ZBTB20: variants seen among roughly 807,000 people sequenced by gnomAD.
The protein encoded by ZBTB20 is zinc finger and BTB domain containing 20, also known as zinc finger and BTB domain-containing protein 20.
ZBTB20 carries 9 observed loss-of-function variants against 56.9 expected under a neutral mutation model. The observed-to-expected ratio is 0.16, with a 90% CI of 0.10 to 0.28. ZBTB20 has a LOEUF of 0.28. Among genes scored for constraint, ZBTB20 ranks in the 10% least tolerant of loss-of-function variants. The pLI is 1.00. For missense variants in ZBTB20, 655 were observed against 1,003.0 expected (o/e 0.65, Z 4.69); for synonymous variants, 417 against 420.7 (o/e 0.99, Z 0.11).
At chr3:114,377,212 T>A (rs1337535819) in intron 10 of ZBTB20, among the ~76,000 whole-genome samples, 1 of 152,170 alleles carries the variant, frequency 6.6e-6, no homozygotes, top group Non-Finnish European at 1.5e-5. Flanking sequence ...CCATGTGAAT[T>A]TGCTTACCAT....
intron 7 of ZBTB20, among the ~76,000 whole-genome samples, chr3:114,440,340 G>A (rs139112379): frequency 6.6e-6 from 1 of 152,128 alleles, no homozygotes; most frequent in African/African-American, 2.4e-5. Flanking sequence ...AGGAAGGGTG[G>A]AGCTGGGGGA....
intron 2 of ZBTB20, among the ~76,000 whole-genome samples, chr3:115,042,763 G>C (rs941240571): frequency 6.6e-6 from 1 of 152,100 alleles, no homozygotes; most frequent in African/African-American, 2.4e-5. Context: ...AATTTGTTAG[G>C]TAAGACACAA....
intron 1 of ZBTB20, among the ~76,000 whole-genome samples, chr3:115,135,515 T>C (rs557161430): frequency 6.6e-6 from 1 of 152,328 alleles, no homozygotes; most frequent in East Asian, 1.9e-4. Flanking sequence ...TTTAATGCAA[T>C]CCCAGTTTTA....
At chr3:114,488,987 A>G (rs1304132124) in intron 7 of ZBTB20, among the ~76,000 whole-genome samples, 1 of 152,210 alleles carries the variant, frequency 6.6e-6, no homozygotes, top group African/African-American at 2.4e-5. Flanking sequence ...TTCAGTCTGG[A>G]AAGAGAAAGA....
At chr3:114,650,662 T>C (rs1211967880) in intron 6 of ZBTB20, among the ~76,000 whole-genome samples, 1 of 151,978 alleles carries the variant, frequency 6.6e-6, no homozygotes, top group African/African-American at 2.4e-5. Flanking sequence ...AAGTTGCTAT[T>C]TTCATGGTCA....
At chr3:114,656,178 A>T (rs2060397110) in intron 6 of ZBTB20, among the ~76,000 whole-genome samples, 1 of 152,066 alleles carries the variant, frequency 6.6e-6, no homozygotes, top group African/African-American at 2.4e-5. Context: ...CCTGTAGGTG[A>T]TCTATTGTTT....
chr3:115,123,946 A>G (rs895124769), intron 1 of ZBTB20, among the ~76,000 whole-genome samples: 3 of 152,190 alleles, frequency 2.0e-5, no homozygotes, highest in Admixed American at 2.0e-4. Context: ...TAAACCCCAC[A>G]TAAACAAGCT....
In ZBTB20 at chr3:115,021,873, T is replaced by TA. The variant is rs574521197; in HGVS notation, c.-506-47458dup. Reference sequence around the variant, plus strand: ...TTCTTAGTTAAAAATAAATAAAATTTAAAAAAATTTGAATGGAGACATTTT... The same window carrying TA: ...TTCTTAGTTAAAAATAAATAAAATTTAAAAAAAATTTGAATGGAGACATTTT... On this transcript the variant is annotated intron_variant, in intron 2 of 11. Transcript: ENST00000675478. 2.6e-3 allele frequency among the ~76,000 whole-genome samples: 390 copies of TA among 150,840 alleles called. 2 individuals carry two copies. The highest frequency in any genetic ancestry group is 9.2e-3 in the African/African-American group (382 of 41,404).
chr3:114,470,899 A>C (rs964797791), intron 7 of ZBTB20, among the ~76,000 whole-genome samples: 3 of 152,196 alleles, frequency 2.0e-5, no homozygotes, highest in African/African-American at 7.2e-5. Flanking sequence ...CAGTGTATAG[A>C]ATTCACATCC....
At position 114,737,643 on chromosome 3, in the gene ZBTB20, T is replaced by A. The variant is rs564202309; in HGVS notation, c.-342-44068A>T. Among the ~76,000 whole-genome samples, 3 of 152,338 alleles carry A rather than the reference T, an allele frequency of 2.0e-5. No individual in the cohort carries two copies. The South Asian group carries it at 6.2e-4, about 32-fold the overall frequency. On this transcript the variant is annotated intron_variant, in intron 5 of 11. Coordinates refer to ENST00000675478, the MANE Select transcript of ZBTB20 (RefSeq NM_001348800.3). ...ATGTGGAAATTTTTTTCAGAATTTT[T>A]GTTTCCAAATGGAATTTAATACATT...
intron 5 of ZBTB20, among the ~76,000 whole-genome samples, chr3:114,719,911 T>TA (rs2064793772): frequency 1.3e-5 from 2 of 151,932 alleles, no homozygotes; most frequent in South Asian, 4.2e-4. Context: ...AGGAAGTCAT[T>TA]AAAAAAATCC....
At chr3:114,593,661 G>A (rs1376847895) in intron 6 of ZBTB20, among the ~76,000 whole-genome samples, 1 of 152,152 alleles carries the variant, frequency 6.6e-6, no homozygotes, top group Non-Finnish European at 1.5e-5. Context: ...TGGGATTACA[G>A]GTGTGAGCCA....
chr3:114,483,296 A>G (rs531829975), intron 7 of ZBTB20, among the ~76,000 whole-genome samples: 1 of 152,164 alleles, frequency 6.6e-6, no homozygotes, highest in East Asian at 1.9e-4. Flanking sequence ...ATTTGTACAA[A>G]TATTTTGTTG....
chr3:114,817,242 G>A (rs2072990818), intron 4 of ZBTB20, among the ~76,000 whole-genome samples: 1 of 145,754 alleles, frequency 6.9e-6, no homozygotes, highest in South Asian at 2.1e-4. Context: ...TAATAAATTG[G>A]GCGTGGTGGC....
chr3:114,630,423 T>C (rs541630561), intron 6 of ZBTB20, among the ~76,000 whole-genome samples: 1 of 152,326 alleles, frequency 6.6e-6, no homozygotes, highest in East Asian at 1.9e-4. Flanking sequence ...ATGTATCTCA[T>C]CTGAGGCACT....
intron 5 of ZBTB20, among the ~76,000 whole-genome samples, chr3:114,763,759 T>A (rs1013205736): frequency 6.6e-6 from 1 of 152,188 alleles, no homozygotes; most frequent in Non-Finnish European, 1.5e-5. Context: ...ATTGGCTTGA[T>A]TAAATATTTC....
At chr3:114,474,165 C>T (rs1204796912) in intron 7 of ZBTB20, among the ~76,000 whole-genome samples, 1 of 152,198 alleles carries the variant, frequency 6.6e-6, no homozygotes, top group Non-Finnish European at 1.5e-5. Flanking sequence ...GTCTCTCCCA[C>T]ATGTGGGAAT....
intron 7 of ZBTB20, among the ~76,000 whole-genome samples, chr3:114,441,751 T>G (rs2090946037): frequency 6.6e-6 from 1 of 152,226 alleles, no homozygotes; most frequent in South Asian, 2.1e-4. Context: ...ATGAACATAT[T>G]CAACATTTTT....
Position 114,821,536 on chromosome 3 carries a change from A to G in ZBTB20, c.-416-20362T>C, listed in dbSNP as rs866119087. On this transcript the variant is annotated intron_variant, in intron 4 of 11. Coordinates refer to ENST00000675478, the MANE Select transcript of ZBTB20 (RefSeq NM_001348800.3). ...TAGTCTTCCATGCCAAAATAAGTGCATGGAGTCACTCTGGCAAGAAGAAGC... is the reference window on the plus strand; with the variant it reads ...TAGTCTTCCATGCCAAAATAAGTGCGTGGAGTCACTCTGGCAAGAAGAAGC... Among the ~76,000 whole-genome samples, 87 of 152,252 alleles carry G rather than the reference A, an allele frequency of 5.7e-4. No individual in the cohort carries two copies. In the Middle Eastern group the frequency reaches 0.01, roughly 18 times the overall value.
Sources: allele counts gnomAD v4.1 joint callset (sites outside exome capture counted in the v4.1 genomes callset), GRCh38; gene constraint gnomAD v4.1.1; transcripts MANE v1.5; gene names NCBI Gene and HGNC (gene_info 2026-07-23, HGNC 2026-07-21).